Variants in ST6GALNAC3 observed in about 807,000 individuals in gnomAD.
ST6GALNAC3 encodes the protein alpha-N-acetylgalactosaminide alpha-2,6-sialyltransferase 3.
Under a neutral mutation model 32.7 loss-of-function variants are expected in ST6GALNAC3, and 25 were observed. The observed-to-expected ratio is 0.76, with a 90% CI of 0.56 to 1.07. The LOEUF (loss-of-function observed/expected upper bound fraction) is 1.07, where lower values mean the gene tolerates loss of function less well. Among genes scored for constraint, ST6GALNAC3 ranks in the 50% least tolerant of loss-of-function variants. ST6GALNAC3 has a pLI of 0.00. For synonymous variants in ST6GALNAC3, 129 were observed against 133.1 expected, an observed-to-expected ratio of 0.97 and a Z score of 0.21; for missense variants, 355 against 382.4, an observed-to-expected ratio of 0.93 and a Z score of 0.60.
Position 76,629,459 on chromosome 1 carries a change from T to C in ST6GALNAC3, c.*653T>C. On this transcript the variant is annotated 3_prime_UTR_variant, in exon 5 of 5. Coordinates refer to ENST00000328299, the MANE Select transcript of ST6GALNAC3 (RefSeq NM_152996.4). The stretch of plus-strand genomic sequence containing the variant: ...ACTATCTCAAACACATAAATCAAAA[T>C]GGGCCAAGTAGCAAATCTTGATGAA... The C allele has an allele frequency of 1.0e-6, 1 of 985,684 alleles. No individual in the cohort carries two copies. Among genetic ancestry groups the C allele is most frequent in the Non-Finnish European group, 1.2e-6 (1 of 829,850 alleles). 61.1% of individuals were successfully genotyped at this position (985,684 alleles called of 1,614,324 possible).
intron 2 of ST6GALNAC3, among the ~76,000 whole-genome samples, chr1:76,352,084 C>T (rs1364869171): frequency 6.6e-6 from 1 of 151,990 alleles, no homozygotes; most frequent in Non-Finnish European, 1.5e-5. Context: ...TAACCAGGCT[C>T]CTTAGAGGGA....
At chr1:76,244,111 T>G (rs1176384891) in intron 1 of ST6GALNAC3, among the ~76,000 whole-genome samples, 1 of 152,038 alleles carries the variant, frequency 6.6e-6, no homozygotes, top group Non-Finnish European at 1.5e-5. Context: ...TTTGTGTCCT[T>G]TCTTATTTCT....
At chr1:76,195,422 T>C (rs1054205157) in intron 1 of ST6GALNAC3, among the ~76,000 whole-genome samples, 35 of 152,212 alleles carry the variant, frequency 2.3e-4, no homozygotes, top group Admixed American at 6.5e-5. Context: ...ACACAGAATA[T>C]TAAAAAGAAT....
At chr1:76,438,453 T>A (rs1656323865) in intron 3 of ST6GALNAC3, among the ~76,000 whole-genome samples, 1 of 152,238 alleles carries the variant, frequency 6.6e-6, no homozygotes, top group African/African-American at 2.4e-5. Flanking sequence ...TTCTGACTTT[T>A]TAATAGATTA....
chr1:76,266,806 A>ACT (rs1305305043), intron 1 of ST6GALNAC3, among the ~76,000 whole-genome samples: 1 of 151,230 alleles, frequency 6.6e-6, no homozygotes, highest in Admixed American at 6.6e-5. Flanking sequence ...AATTACCTGA[A>ACT]CTCTCATCTC....
chr1:76,596,417 C>T (rs1345524276), intron 3 of ST6GALNAC3, among the ~76,000 whole-genome samples: 2 of 151,964 alleles, frequency 1.3e-5, no homozygotes, highest in Non-Finnish European at 1.5e-5. Flanking sequence ...AATAGGTATC[C>T]TAGAAAGGGA....
chr1:76,558,126 C>T (rs1441786968), intron 3 of ST6GALNAC3, among the ~76,000 whole-genome samples: 4 of 152,132 alleles, frequency 2.6e-5, no homozygotes, highest in African/African-American at 9.7e-5. Context: ...AAAGGGAACA[C>T]TTATACACTG....
intron 1 of ST6GALNAC3, among the ~76,000 whole-genome samples, chr1:76,204,196 C>G (rs181449659): frequency 1.3e-5 from 2 of 152,150 alleles, no homozygotes; most frequent in Non-Finnish European, 2.9e-5. Flanking sequence ...TAATGACCTC[C>G]ACTTCCATCA....
At chr1:76,527,057 A>T (rs1170534810) in intron 3 of ST6GALNAC3, among the ~76,000 whole-genome samples, 2 of 152,152 alleles carry the variant, frequency 1.3e-5, no homozygotes, top group Non-Finnish European at 1.5e-5. Flanking sequence ...ACAAGCTTGA[A>T]TTAGACTTGA....
intron 1 of ST6GALNAC3, among the ~76,000 whole-genome samples, chr1:76,199,394 T>C (rs1654397085): frequency 6.6e-6 from 1 of 152,100 alleles, no homozygotes; most frequent in Non-Finnish European, 1.5e-5. Context: ...TTCCCTGGAG[T>C]TGATGAGTAG....
intron 3 of ST6GALNAC3, among the ~76,000 whole-genome samples, chr1:76,532,414 G>A (rs973962233): frequency 1.3e-5 from 2 of 152,128 alleles, no homozygotes; most frequent in African/African-American, 2.4e-5. Flanking sequence ...CTCTTCCTCA[G>A]GCAGCTTGGT....
chr1:76,456,839 G>C (rs1355760415), intron 3 of ST6GALNAC3, among the ~76,000 whole-genome samples: 2 of 152,164 alleles, frequency 1.3e-5, no homozygotes, highest in African/African-American at 4.8e-5. Context: ...CATAGTGTTG[G>C]ATGTTCTGGC....
In ST6GALNAC3 at chr1:76,457,469, C is replaced by G. The variant is rs143404999; in HGVS notation, c.623+45052C>G. On this transcript the variant is annotated intron_variant, in intron 3 of 4. Transcript: ENST00000328299. ...CTTCAAACTATACTACAAGGCTATA[C>G]TATACTACAAGTAACCAACTATACT... 1.4e-4 allele frequency among the ~76,000 whole-genome samples: 21 copies of G among 151,950 alleles called. No homozygotes were observed. In the East Asian group the frequency reaches 4.1e-3, roughly 29 times the overall value.
chr1:76,491,548 A>G (rs1449868715), intron 3 of ST6GALNAC3, among the ~76,000 whole-genome samples: 1 of 152,150 alleles, frequency 6.6e-6, no homozygotes, highest in Non-Finnish European at 1.5e-5. Flanking sequence ...TGGAGTAAGC[A>G]CAACCTCATT....
chr1:76,270,980 C>A (rs772685413), intron 1 of ST6GALNAC3, among the ~76,000 whole-genome samples: 1 of 152,188 alleles, frequency 6.6e-6, no homozygotes, highest in Non-Finnish European at 1.5e-5. Flanking sequence ...ACCCAAGGGA[C>A]AACGGGCTCA....
chr1:76,293,692 G>C (rs901588199), intron 1 of ST6GALNAC3, among the ~76,000 whole-genome samples: 1 of 152,116 alleles, frequency 6.6e-6, no homozygotes, highest in Admixed American at 6.5e-5. Context: ...TTCCTATTAC[G>C]TGAGGGTTAT....
intron 1 of ST6GALNAC3, among the ~76,000 whole-genome samples, chr1:76,266,222 G>A (rs6696780): frequency 0.21 from 32,105 of 152,088 alleles, 4,484 homozygotes; most frequent in African/African-American, 0.39. Context: ...GATAAACGAG[G>A]TAGAGATGGA....
intron 1 of ST6GALNAC3, among the ~76,000 whole-genome samples, chr1:76,102,401 A>G (rs1020385950): frequency 2.0e-5 from 3 of 152,096 alleles, no homozygotes; most frequent in Non-Finnish European, 4.4e-5. Flanking sequence ...TTTTAATGTA[A>G]TAATACACGG....
intron 1 of ST6GALNAC3, among the ~76,000 whole-genome samples, chr1:76,111,054 C>G (rs1309874645): frequency 1.3e-5 from 2 of 152,102 alleles, no homozygotes; most frequent in Non-Finnish European, 2.9e-5. Context: ...TCCTAAAAGC[C>G]TTAGTAAGAA....
Sources: allele counts gnomAD v4.1 joint callset (sites outside exome capture counted in the v4.1 genomes callset), GRCh38; gene constraint gnomAD v4.1.1; transcripts MANE v1.5; gene names NCBI Gene and HGNC (gene_info 2026-07-23, HGNC 2026-07-21).